The following ARRDC5 variants were observed in gnomAD, a reference collection of about 807,000 sequenced individuals.
The protein encoded by ARRDC5 is arrestin domain-containing protein 5.
Under a neutral mutation model 13.3 loss-of-function variants are expected in ARRDC5, and 12 were observed. The observed-to-expected ratio is 0.90, with a 90% CI of 0.58 to 1.46. The LOEUF (loss-of-function observed/expected upper bound fraction) is 1.46. ARRDC5 is among the 40% of genes most tolerant of loss of function. ARRDC5 has a pLI of 0.00. For synonymous variants in ARRDC5, 181 were observed against 173.4 expected, an observed-to-expected ratio of 1.04 and a Z score of -0.34; for missense variants, 406 against 418.7, an observed-to-expected ratio of 0.97 and a Z score of 0.26.
At chr19:4,905,760 G>T (rs574399368), upstream of ARRDC5, among the ~76,000 whole-genome samples, 3 of 151,996 alleles carry the variant, frequency 2.0e-5, no homozygotes, top group South Asian at 6.2e-4. Context: ...TCAGTGATCC[G>T]CCTGCCTTGG....
chr19:4,905,338 C>G (rs1217890547), upstream of ARRDC5, among the ~76,000 whole-genome samples: 1 of 151,002 alleles, frequency 6.6e-6, no homozygotes, highest in African/African-American at 2.4e-5. Context: ...CCAGGATGGT[C>G]TCCATCTCCT....
the ARRDC5 span, chr19:4,909,892 G>A: frequency 2.4e-5 from 9 of 375,094 alleles, no homozygotes; most frequent in Admixed American, 4.6e-5. Flanking sequence ...CGCGCCGGGT[G>A]GGGGAGGGCC....
At chr19:4,912,013 G>T in the ARRDC5 span, among the ~76,000 whole-genome samples, 4 of 152,182 alleles carry the variant, frequency 2.6e-5, no homozygotes, top group African/African-American at 9.7e-5. Context: ...AGGGGTTTTT[G>T]GGGGCTGGGA....
the ARRDC5 span, chr19:4,909,168 G>C: frequency 5.5e-6 from 2 of 365,580 alleles, no homozygotes; most frequent in Non-Finnish European, 1.0e-5. Flanking sequence ...CAATGCGTGC[G>C]AGTGGGGGGC....
the ARRDC5 span, among the ~76,000 whole-genome samples, chr19:4,914,724 G>A: frequency 1.3e-5 from 2 of 150,588 alleles, no homozygotes; most frequent in Admixed American, 1.3e-4. Context: ...TAACCTGCTC[G>A]GGTACAACGC....
intron 1 of ARRDC5, among the ~76,000 whole-genome samples, chr19:4,900,276 C>G (rs1034499733): frequency 6.6e-6 from 1 of 150,758 alleles, no homozygotes; most frequent in Non-Finnish European, 1.5e-5. Flanking sequence ...GCTTCTTGAG[C>G]AGCTGTATTT....
intron 2 of ARRDC5, among the ~76,000 whole-genome samples, chr19:4,896,329 A>AAAAAATATAT (rs1371235915): frequency 1.4e-5 from 1 of 73,394 alleles, no homozygotes; most frequent in African/African-American, 5.8e-5. Flanking sequence ...AAAAAAAAAA[A>AAAAAATATAT]ATATATATAT....
the ARRDC5 span, among the ~76,000 whole-genome samples, chr19:4,912,834 A>G: frequency 6.6e-6 from 1 of 152,078 alleles, no homozygotes; most frequent in South Asian, 2.1e-4. Context: ...ATCACAGCTC[A>G]CTATAGCCTC....
intron 2 of ARRDC5, among the ~76,000 whole-genome samples, chr19:4,894,556 T>C (rs749853721): frequency 2.7e-4 from 28 of 104,100 alleles, no homozygotes; most frequent in African/African-American, 8.0e-4. Context: ...TGGTGGTGGG[T>C]GCCTGTAGTC....
At chr19:4,891,675 G>A (rs529112039) in intron 2 of ARRDC5, 102 bp from the exon 3 acceptor site, 2 of 1,068,378 alleles carry the variant, frequency 1.9e-6, no homozygotes, top group East Asian at 2.6e-5. Flanking sequence ...CTGTGGGGCT[G>A]GCTGGGCACG....
chr19:4,915,111 T>G, the ARRDC5 span, among the ~76,000 whole-genome samples: 1 of 152,228 alleles, frequency 6.6e-6, no homozygotes, highest in Non-Finnish European at 1.5e-5. Context: ...AAGGCAGGAT[T>G]AAGGTCAGTC....
upstream of ARRDC5, among the ~76,000 whole-genome samples, chr19:4,904,224 G>A (rs1305597802): frequency 1.3e-5 from 2 of 151,834 alleles, no homozygotes; most frequent in Non-Finnish European, 2.9e-5. Flanking sequence ...TGTCACCCAG[G>A]CTGGAGTGCA....
the ARRDC5 span, chr19:4,909,896 GA>G: frequency 2.7e-6 from 1 of 375,066 alleles, no homozygotes; most frequent in Non-Finnish European, 4.7e-6. Context: ...CCGGGTGGGG[GA>G]GGGCCTGGCG....
the ARRDC5 span, among the ~76,000 whole-genome samples, chr19:4,912,855 G>A: frequency 2.0e-5 from 3 of 152,084 alleles, no homozygotes; most frequent in Non-Finnish European, 4.4e-5. Flanking sequence ...AGCTTCCTGG[G>A]CTCAAGCAAT....
chr19:4,898,013 C>T (rs1218101328), intron 1 of ARRDC5, among the ~76,000 whole-genome samples: 1 of 152,022 alleles, frequency 6.6e-6, no homozygotes, highest in Admixed American at 6.6e-5. Context: ...CTTGAACGTG[C>T]GAGACGGAGG....
chr19:4,912,261 G>A, the ARRDC5 span, among the ~76,000 whole-genome samples: 1 of 152,188 alleles, frequency 6.6e-6, no homozygotes, highest in African/African-American at 2.4e-5. Flanking sequence ...AGCTCCGCCT[G>A]GCGCTCTCTT....
At chr19:4,904,684 A>G (rs1312608918), upstream of ARRDC5, among the ~76,000 whole-genome samples, 2 of 152,222 alleles carry the variant, frequency 1.3e-5, no homozygotes, top group East Asian at 3.9e-4. Flanking sequence ...GACCTTGTCT[A>G]AGTGAACTTT....
At chr19:4,909,136 C>G in the ARRDC5 span, 1 of 255,448 alleles carries the variant, frequency 3.9e-6, no homozygotes, top group East Asian at 9.0e-5. Context: ...ACATTGATTC[C>G]GGCCTTCTTA....
rs112953693 is a variant in ARRDC5 at position 4,900,217 on chromosome 19, G to C, written c.253+2356C>G. Among the ~76,000 whole-genome samples the C allele has an allele frequency of 1.1e-4, 16 of 144,404 alleles. No individual in the cohort carries two copies. In the East Asian group the frequency reaches 3.4e-3, roughly 31 times the overall value. 94.7% of individuals were successfully genotyped at this position (144,404 alleles called of 152,430 possible). On this transcript the variant is annotated intron_variant, in intron 1 of 2. Transcript: ENST00000650722. ...GGCTGGAGTGCAGTGGCGTGATCTC[G>C]GCTCACCGCAAGCTCCGCCTCCCGG...
Sources: allele counts gnomAD v4.1 joint callset (sites outside exome capture counted in the v4.1 genomes callset), GRCh38; gene constraint gnomAD v4.1.1; transcripts MANE v1.5; gene names NCBI Gene and HGNC (gene_info 2026-07-23, HGNC 2026-07-21).